Variants in DAGLB observed in about 807,000 individuals in gnomAD.
The protein encoded by DAGLB is diacylglycerol lipase beta, also known as diacylglycerol lipase-beta.
Under a neutral mutation model 72.1 loss-of-function variants are expected in DAGLB, and 66 were observed. The ratio of observed to expected loss-of-function variants is 0.92; its 90% CI spans 0.75 to 1.12. The LOEUF (loss-of-function observed/expected upper bound fraction) is 1.12, where lower values mean the gene tolerates loss of function less well. Ranked by LOEUF, DAGLB falls within the 50% of genes most tolerant of loss-of-function variation. The pLI, the probability that DAGLB is intolerant of heterozygous loss-of-function variation, is 0.00. For synonymous variants in DAGLB, 414 were observed against 359.5 expected (o/e 1.15, Z -1.71); for missense variants, 1,065 against 884.9 (o/e 1.20, Z -2.58).
chr7:6,443,249 T>TTA (rs1491377258), intron 2 of DAGLB, among the ~76,000 whole-genome samples: 2 of 78,184 alleles, frequency 2.6e-5, no homozygotes, highest in Non-Finnish European at 5.4e-5. Flanking sequence ...TTGTCTCTAC[T>TTA]AAAAAAAAAA....
At chr7:6,436,013 C>G (rs748567850) in intron 3 of DAGLB, among the ~76,000 whole-genome samples, 30 of 151,118 alleles carry the variant, frequency 2.0e-4, no homozygotes, top group Admixed American at 4.6e-4. Context: ...TTAGTTTTTG[C>G]TCTGGTTTTG....
intron 2 of DAGLB, among the ~76,000 whole-genome samples, chr7:6,440,330 G>A (rs985017777): frequency 1.3e-5 from 2 of 151,620 alleles, no homozygotes; most frequent in South Asian, 2.1e-4. Context: ...GTTGCGGTGA[G>A]CCGAGATCAT....
chr7:6,423,383 G>A (rs756293101), intron 8 of DAGLB, among the ~76,000 whole-genome samples: 12 of 152,152 alleles, frequency 7.9e-5, no homozygotes, highest in Admixed American at 7.9e-4. Context: ...GCTGGGGCAG[G>A]AAGTTCACAC....
rs138781757 is a variant in DAGLB at position 6,412,832 on chromosome 7, G to A, written c.1548C>T (p.Val516=). ...EDLKRRILRV[V]AHCNKPKYKI... Reference sequence around the variant, plus strand: ...TTACCTTGGGTTTATTGCAGTGCGCGACCACTCGCAAGATTCTTCTCTTCA... The same window carrying A: ...TTACCTTGGGTTTATTGCAGTGCGCAACCACTCGCAAGATTCTTCTCTTCA... Residue 516 remains valine (V), a synonymous_variant, in exon 13 of 15, where the codon GTC becomes GTT. Transcript: ENST00000297056. The A allele has an allele frequency of 5.9e-4, 948 of 1,595,708 alleles. 1 individual carries two copies. Among genetic ancestry groups the A allele is most frequent in the Middle Eastern group, 1.2e-3 (7 of 6,046 alleles).
At chr7:6,432,131 A>G (rs1159185257) in intron 5 of DAGLB, among the ~76,000 whole-genome samples, 1 of 152,102 alleles carries the variant, frequency 6.6e-6, no homozygotes, top group Non-Finnish European at 1.5e-5. Flanking sequence ...CAGGCAGATT[A>G]CCTGAGGTCA....
chr7:6,424,564 G>A (rs576114775), intron 8 of DAGLB, among the ~76,000 whole-genome samples, 188 bp downstream of exon 8: 1 of 152,192 alleles, frequency 6.6e-6, no homozygotes, highest in South Asian at 2.1e-4. Context: ...TCTCAGTGAA[G>A]ATGAAACAGC....
chr7:6,424,614 G>T (rs1035859876), intron 8 of DAGLB, 138 bp downstream of exon 8: 1 of 769,380 alleles, frequency 1.3e-6, no homozygotes, highest in Non-Finnish European at 2.2e-6. Context: ...CCAACCCCAG[G>T]CTCACATCCT....
Position 6,438,369 on chromosome 7 carries a change from AAAAT to A in DAGLB, c.248-1840_248-1837del, listed in dbSNP as rs1023889950. Among the ~76,000 whole-genome samples the A allele has an allele frequency of 8.5e-4, 130 of 152,282 alleles. 1 individual carries two copies. Among genetic ancestry groups the A allele is most frequent in the African/African-American group, 2.0e-3 (84 of 41,538 alleles). On this transcript the variant is annotated intron_variant, in intron 2 of 14. Transcript: ENST00000297056. ...GTATAAAAATAATTTTTAAAATGCA[AAAAT>A]AAATAAATAAATAAAATATTAGGCA... is the stretch of plus-strand genomic sequence containing the variant.
intron 2 of DAGLB, among the ~76,000 whole-genome samples, chr7:6,442,107 C>A (rs1045167664): frequency 6.6e-6 from 1 of 152,166 alleles, no homozygotes; most frequent in East Asian, 1.9e-4. Context: ...ACCAAACTCT[C>A]CCTGACTCTC....
intron 9 of DAGLB, chr7:6,417,630 G>C (rs1382814156): frequency 6.6e-6 from 1 of 151,970 alleles, no homozygotes; most frequent in African/African-American, 2.4e-5. Context: ...TACAATCTGA[G>C]CTATTTGGGA....
In DAGLB at chr7:6,434,775, G is replaced by T; in HGVS notation, c.665C>A (p.Ser222Ter). 5 of 1,614,178 alleles carry T rather than the reference G, an allele frequency of 3.1e-6. No individual in the cohort carries two copies. The highest frequency in any genetic ancestry group is 1.1e-5 in the South Asian group (1 of 91,080). ...CCCTCGGCTTACTGAAAAGTAGGTT[G>T]AGAAAAGCTCTGCCGTACTCGAAAA... ...VAFSSTAELF[S>*]TYFSDTDLVP... The change falls in exon 4 of 15, where the codon TCA (serine) becomes TAA (stop). Residue 222 changes from serine (S) to a stop codon, truncating the protein, a stop_gained. Coordinates refer to ENST00000297056, the MANE Select transcript of DAGLB (RefSeq NM_139179.4). LOFTEE classifies it high-confidence loss of function.
intron 2 of DAGLB, among the ~76,000 whole-genome samples, chr7:6,442,981 G>A (rs1784877890): frequency 6.7e-6 from 1 of 149,520 alleles, no homozygotes; most frequent in Non-Finnish European, 1.5e-5. Flanking sequence ...AGACCATCCT[G>A]GCTAACACAG....
At chr7:6,447,658 G>C in intron 1 of DAGLB, 90 bp downstream of exon 1, 2 of 1,493,096 alleles carry the variant, frequency 1.3e-6, no homozygotes, top group African/African-American at 2.8e-5. Context: ...ACAGTGCTTG[G>C]GAAGCCACTT....
At chr7:6,418,775 C>A (rs1285820985) in intron 9 of DAGLB, among the ~76,000 whole-genome samples, 1 of 152,114 alleles carries the variant, frequency 6.6e-6, no homozygotes, top group Admixed American at 6.6e-5. Flanking sequence ...CGCCATTCTC[C>A]TGCCTCAGCC....
intron 4 of DAGLB, among the ~76,000 whole-genome samples, chr7:6,433,809 GC>G (rs1458344582): frequency 1.3e-5 from 2 of 149,936 alleles, no homozygotes; most frequent in Non-Finnish European, 3.0e-5. Context: ...CCAAGATGGC[GC>G]CACTGCACTC....
At chr7:6,446,871 G>C (rs1290887218) in intron 1 of DAGLB, among the ~76,000 whole-genome samples, 1 of 152,120 alleles carries the variant, frequency 6.6e-6, no homozygotes, top group Non-Finnish European at 1.5e-5. Context: ...TTAGCTGGGC[G>C]TGGTGGCACG....
At position 6,410,110 on chromosome 7, in the gene DAGLB, A is replaced by G. The variant is rs904683502; in HGVS notation, c.1820+20T>C. On this transcript the variant is annotated intron_variant, in intron 14 of 14. Coordinates refer to ENST00000297056, the MANE Select transcript of DAGLB (RefSeq NM_139179.4). ...CGCGCTGCTCCTGCCTGCCCACCAC[A>G]CCCACCACGCCGCACTCACCGCCCC... The G allele has an allele frequency of 1.3e-6, 2 of 1,576,522 alleles. No homozygotes were observed. The highest frequency in any genetic ancestry group is 1.7e-6 in the Non-Finnish European group (2 of 1,159,072).
rs1784988633 is a variant in DAGLB at position 6,446,027 on chromosome 7, TA to T, written c.172del (p.Tyr58ThrfsTer2). The part of the protein sequence containing the change: ...DCAGGALLSS[Y>X]LIVLMILLAV... ...CAGGAGAATCATGAGGACGATCAAG[TA>T]ACTGCTGAGCAAGGCTCCACCAGCA... On this transcript the variant is annotated frameshift_variant, in exon 2 of 15. Coordinates refer to ENST00000297056, the MANE Select transcript of DAGLB (RefSeq NM_139179.4). LOFTEE classifies it high-confidence loss of function. The T allele has an allele frequency of 6.2e-7, 1 of 1,613,398 alleles. No homozygotes were observed. Among genetic ancestry groups the T allele is most frequent in the East Asian group, 2.2e-5 (1 of 44,848 alleles).
At chr7:6,433,669 G>C (rs1784562600) in intron 4 of DAGLB, among the ~76,000 whole-genome samples, 1 of 152,212 alleles carries the variant, frequency 6.6e-6, no homozygotes, top group South Asian at 2.1e-4. Flanking sequence ...GTGAAACCCT[G>C]TCTCTACTAT....
Sources: allele counts gnomAD v4.1 joint callset (sites outside exome capture counted in the v4.1 genomes callset), GRCh38; gene constraint gnomAD v4.1.1; transcripts MANE v1.5; gene names NCBI Gene and HGNC (gene_info 2026-07-23, HGNC 2026-07-21).